The following AFF1 variants were observed in gnomAD, a reference collection of about 807,000 sequenced individuals.
AFF1 encodes AF4/FMR2 family member 1.
A neutral mutation model predicts 121.7 loss-of-function variants in AFF1; 48 were observed. That is an observed-to-expected ratio of 0.39 (90% CI 0.31 to 0.50). The LOEUF (loss-of-function observed/expected upper bound fraction) is 0.50. Ranked by LOEUF, AFF1 falls within the 20% of genes least tolerant of loss-of-function variation. The probability of loss-of-function intolerance (pLI) is 0.76; values close to 1 mark genes in which losing one functional copy is unlikely to be tolerated. For synonymous variants in AFF1, 613 were observed against 563.0 expected, an observed-to-expected ratio of 1.09 and a Z score of -1.26; for missense variants, 1,523 against 1,511.7, an observed-to-expected ratio of 1.01 and a Z score of -0.12.
At chr4:86,943,150 G>A (rs929233204) in intron 1 of AFF1, among the ~76,000 whole-genome samples, 9 of 152,190 alleles carry the variant, frequency 5.9e-5, no homozygotes, top group Admixed American at 3.9e-4. Context: ...TGAGTGTAGC[G>A]TAGCACCAGA....
At position 87,138,397 on chromosome 4, in the gene AFF1, TATAACA is replaced by T. The variant is rs1246585189; in HGVS notation, c.*2701_*2706del. 4.3e-6 allele frequency: 1 copy of T among 232,462 alleles called. No individual in the cohort carries two copies. The highest frequency in any genetic ancestry group is 8.5e-6 in the Non-Finnish European group (1 of 117,674). The allele number at this position is 232,462 out of a possible 1,614,324, so 14.4% of individuals were successfully genotyped here. On this transcript the variant is annotated 3_prime_UTR_variant, in exon 21 of 21. Transcript: ENST00000395146. ...TAAGCCTTAGAGTATGGAAAGTTCTTATAACAATAATAGTACACACTTCAGAGTAAG... is the reference window on the plus strand; with the variant it reads ...TAAGCCTTAGAGTATGGAAAGTTCTTATAATAGTACACACTTCAGAGTAAG...
chr4:87,082,529 T>C (rs1478243818), intron 4 of AFF1, among the ~76,000 whole-genome samples: 1 of 152,204 alleles, frequency 6.6e-6, no homozygotes, highest in African/African-American at 2.4e-5. Flanking sequence ...TCTGAATTTT[T>C]TTTTAATTTT....
At chr4:87,002,020 C>T (rs1374816495) in intron 2 of AFF1, among the ~76,000 whole-genome samples, 4 of 152,136 alleles carry the variant, frequency 2.6e-5, no homozygotes, top group Non-Finnish European at 5.9e-5. Flanking sequence ...GTTGAATGAC[C>T]ATTGTGGTAC....
intron 1 of AFF1, among the ~76,000 whole-genome samples, chr4:86,941,700 G>A (rs1720475005): frequency 6.6e-6 from 1 of 152,080 alleles, no homozygotes; most frequent in Non-Finnish European, 1.5e-5. Flanking sequence ...AGCCAGGCAT[G>A]GTGTTGCATG....
intron 2 of AFF1, among the ~76,000 whole-genome samples, chr4:86,954,574 A>C (rs1215851036): frequency 1.3e-5 from 2 of 152,084 alleles, no homozygotes; most frequent in African/African-American, 4.8e-5. Flanking sequence ...AAAAATACAA[A>C]AATTAGCCAC....
intron 2 of AFF1, among the ~76,000 whole-genome samples, chr4:87,033,177 GAAAT>G (rs1360525924): frequency 6.6e-6 from 1 of 152,182 alleles, no homozygotes; most frequent in Non-Finnish European, 1.5e-5. Flanking sequence ...TTTCTTTAGA[GAAAT>G]AAATTGCATC....
At chr4:86,961,586 A>AG (rs934344306) in intron 2 of AFF1, among the ~76,000 whole-genome samples, 4 of 149,806 alleles carry the variant, frequency 2.7e-5, no homozygotes, top group Middle Eastern at 3.4e-3. Flanking sequence ...GGGTGTGGGA[A>AG]GGGGGGGCTG....
At chr4:87,042,606 T>C (rs1021434551) in intron 2 of AFF1, among the ~76,000 whole-genome samples, 6 of 152,232 alleles carry the variant, frequency 3.9e-5, no homozygotes, top group African/African-American at 1.2e-4. Flanking sequence ...TGAAGGGTGA[T>C]GGTGAATCAT....
intron 20 of AFF1, 150 bp downstream of exon 20, chr4:87,134,844 ACCTAGTTGCGGTTGTT>A: frequency 1.3e-6 from 1 of 790,054 alleles, no homozygotes; most frequent in South Asian, 1.9e-5. Context: ...CTGCCTCAAA[ACCTAGTTGCGGTTGTT>A]CCTTGAGCAC....
At chr4:87,116,056 T>G (rs1275515319) in intron 12 of AFF1, among the ~76,000 whole-genome samples, 1 of 152,220 alleles carries the variant, frequency 6.6e-6, no homozygotes, top group Non-Finnish European at 1.5e-5. Context: ...AATTTTACTC[T>G]CATAGTAGGA....
intron 2 of AFF1, 119 bp from the exon 3 acceptor site, chr4:87,046,047 G>T: frequency 8.1e-7 from 1 of 1,241,176 alleles, no homozygotes; most frequent in South Asian, 1.5e-5. Flanking sequence ...AATCACAGCC[G>T]TCATCACTGC....
chr4:86,959,206 A>G (rs1721967486), intron 2 of AFF1, among the ~76,000 whole-genome samples: 1 of 152,214 alleles, frequency 6.6e-6, no homozygotes, highest in African/African-American at 2.4e-5. Flanking sequence ...GCTTGGTTAG[A>G]GTCAAGATAA....
chr4:87,024,955 C>G (rs1728382012), intron 2 of AFF1, among the ~76,000 whole-genome samples: 1 of 152,198 alleles, frequency 6.6e-6, no homozygotes, highest in South Asian at 2.1e-4. Context: ...AAACATTTTT[C>G]CACCCCTTCA....
intron 2 of AFF1, among the ~76,000 whole-genome samples, chr4:86,956,515 C>T (rs1721750580): frequency 6.6e-6 from 1 of 152,192 alleles, no homozygotes; most frequent in Non-Finnish European, 1.5e-5. Context: ...AGTAACTTTA[C>T]TGAGTTGTGC....
At chr4:87,045,098 TAAGAG>T (rs1268896278) in intron 2 of AFF1, among the ~76,000 whole-genome samples, 2 of 151,410 alleles carry the variant, frequency 1.3e-5, no homozygotes, top group South Asian at 2.1e-4. Context: ...TCAAAGGAAA[TAAGAG>T]AAGTCAGAAG....
intron 4 of AFF1, among the ~76,000 whole-genome samples, chr4:87,079,641 C>T (rs1722982247): frequency 6.6e-6 from 1 of 152,224 alleles, no homozygotes; most frequent in Non-Finnish European, 1.5e-5. Context: ...TATTCTGAGC[C>T]AGCTCAGCTG....
At chr4:87,025,268 C>T (rs1728411671) in intron 2 of AFF1, among the ~76,000 whole-genome samples, 1 of 152,232 alleles carries the variant, frequency 6.6e-6, no homozygotes, top group Admixed American at 6.5e-5. Context: ...ACACTAGGCA[C>T]TGGGCTCAGC....
chr4:87,001,671 A>G (rs35653846), intron 2 of AFF1, among the ~76,000 whole-genome samples: 20,501 of 152,204 alleles, frequency 0.13, 1,859 homozygotes, highest in Middle Eastern at 0.23. Flanking sequence ...AGATAAAGGC[A>G]GAGAACCTGG....
intron 1 of AFF1, among the ~76,000 whole-genome samples, chr4:86,944,146 A>T (rs1257240044): frequency 6.7e-6 from 1 of 148,780 alleles, no homozygotes; most frequent in African/African-American, 2.5e-5. Flanking sequence ...CCTGTAAAAA[A>T]AAAAAAAAAA....
Sources: gnomAD v4.1 joint callset for allele counts (sites outside exome capture counted in the v4.1 genomes callset) on GRCh38, gnomAD v4.1.1 for gene constraint, MANE v1.5 for transcripts, NCBI Gene and HGNC (gene_info 2026-07-23, HGNC 2026-07-21) for gene names.